Variants in SLC8A1 observed in about 807,000 individuals in gnomAD.
SLC8A1 encodes the protein solute carrier family 8 member A1.
Under a neutral mutation model 68.3 loss-of-function variants are expected in SLC8A1, and 18 were observed. The ratio of observed to expected loss-of-function variants is 0.26; its 90% CI spans 0.18 to 0.39. The LOEUF (loss-of-function observed/expected upper bound fraction) is 0.39, where lower values mean the gene tolerates loss of function less well. Among genes scored for constraint, SLC8A1 ranks in the 10% least tolerant of loss-of-function variants. The probability of loss-of-function intolerance (pLI) is 1.00; values close to 1 mark genes in which losing one functional copy is unlikely to be tolerated. For synonymous variants in SLC8A1, 475 were observed against 415.5 expected, an observed-to-expected ratio of 1.14 and a Z score of -1.74; for missense variants, 985 against 1,156.7, an observed-to-expected ratio of 0.85 and a Z score of 2.15.
intron 1 of SLC8A1, among the ~76,000 whole-genome samples, chr2:40,459,050 G>C (rs1217353192): frequency 6.6e-6 from 1 of 152,080 alleles, no homozygotes; most frequent in Non-Finnish European, 1.5e-5. Flanking sequence ...TTATAAGGAT[G>C]GACTCCGGAC....
intron 2 of SLC8A1, among the ~76,000 whole-genome samples, chr2:40,424,358 A>G (rs1439267413): frequency 1.3e-5 from 2 of 151,828 alleles, no homozygotes; most frequent in Non-Finnish European, 3.0e-5. Flanking sequence ...ATTCTATAGA[A>G]TTCTCTAGAA....
intron 2 of SLC8A1, among the ~76,000 whole-genome samples, chr2:40,361,641 A>AT (rs1380341373): frequency 6.6e-6 from 1 of 152,028 alleles, no homozygotes; most frequent in East Asian, 1.9e-4. Flanking sequence ...CACTGCCTAT[A>AT]AACTAAGAGC....
intron 2 of SLC8A1, among the ~76,000 whole-genome samples, chr2:40,375,691 A>G (rs896945725): frequency 6.6e-6 from 1 of 152,144 alleles, no homozygotes; most frequent in Non-Finnish European, 1.5e-5. Context: ...CAAGTTAATC[A>G]CTTGACAACT....
At chr2:40,424,167 G>A (rs1015781118) in intron 2 of SLC8A1, among the ~76,000 whole-genome samples, 1 of 151,780 alleles carries the variant, frequency 6.6e-6, no homozygotes, top group African/African-American at 2.4e-5. Context: ...TTCTTGTCTT[G>A]TGATATTTTT....
At chr2:40,185,393 G>T (rs2050516235) in intron 2 of SLC8A1, among the ~76,000 whole-genome samples, 1 of 152,168 alleles carries the variant, frequency 6.6e-6, no homozygotes, top group South Asian at 2.1e-4. Flanking sequence ...CCACACAGGG[G>T]AATATTATTT....
At chr2:40,115,227 TA>T in exon 8 of SLC8A1, 1 of 1,494,262 alleles carries the variant, frequency 6.7e-7, no homozygotes, top group Non-Finnish European at 9.0e-7. Flanking sequence ...TGTATATATA[TA>T]AATTTACTAT....
chr2:40,366,414 C>T (rs968437538), intron 2 of SLC8A1, among the ~76,000 whole-genome samples: 2 of 151,944 alleles, frequency 1.3e-5, no homozygotes, highest in Non-Finnish European at 2.9e-5. Flanking sequence ...GAATATAAAA[C>T]CCACAATAAT....
chr2:40,142,751 A>G (rs528116559), intron 6 of SLC8A1, among the ~76,000 whole-genome samples: 1 of 152,202 alleles, frequency 6.6e-6, no homozygotes, highest in Non-Finnish European at 1.5e-5. Context: ...GTGTCTGAGA[A>G]TATTTCAAGG....
intron 2 of SLC8A1, among the ~76,000 whole-genome samples, chr2:40,213,664 C>T (rs192104170): frequency 4.1e-4 from 62 of 152,210 alleles, no homozygotes; most frequent in Admixed American, 5.2e-4. Context: ...ACATTTTTTC[C>T]CCCGTCATCT....
chr2:40,298,312 G>A (rs531221198), intron 2 of SLC8A1, among the ~76,000 whole-genome samples: 17 of 152,216 alleles, frequency 1.1e-4, no homozygotes, highest in African/African-American at 4.1e-4. Flanking sequence ...CCAAAACTCC[G>A]GCTAGCAATC....
chr2:40,230,343 T>G (rs998261954), intron 2 of SLC8A1, among the ~76,000 whole-genome samples: 1 of 152,164 alleles, frequency 6.6e-6, no homozygotes, highest in African/African-American at 2.4e-5. Context: ...CTTTAACACT[T>G]CCTGGAATGC....
chr2:40,386,702 G>T (rs1575954234), intron 2 of SLC8A1, among the ~76,000 whole-genome samples: 1 of 150,642 alleles, frequency 6.6e-6, no homozygotes, highest in South Asian at 2.1e-4. Flanking sequence ...AAGTCAGTAA[G>T]TCCATATATT....
chr2:40,283,381 T>C (rs2067799923), intron 2 of SLC8A1, among the ~76,000 whole-genome samples: 2 of 152,278 alleles, frequency 1.3e-5, no homozygotes, highest in South Asian at 4.1e-4. Flanking sequence ...TGACAGACAA[T>C]GGCTTATAAA....
At chr2:40,414,937 A>G (rs1355180820) in intron 2 of SLC8A1, among the ~76,000 whole-genome samples, 1 of 152,228 alleles carries the variant, frequency 6.6e-6, no homozygotes, top group Non-Finnish European at 1.5e-5. Flanking sequence ...GCAGTTGGCA[A>G]TATTGGGAAA....
chr2:40,472,707 C>G (rs1037470717), intron 1 of SLC8A1, among the ~76,000 whole-genome samples: 1 of 152,118 alleles, frequency 6.6e-6, no homozygotes, highest in East Asian at 1.9e-4. Flanking sequence ...CATACCCATT[C>G]TAGGTGCTGC....
At chr2:40,291,358 C>G (rs1233720739) in intron 2 of SLC8A1, among the ~76,000 whole-genome samples, 1 of 152,052 alleles carries the variant, frequency 6.6e-6, no homozygotes, top group Non-Finnish European at 1.5e-5. Context: ...TCACTGTGTT[C>G]ATAAAATAAA....
At chr2:40,250,704 C>G (rs2062604930) in intron 2 of SLC8A1, among the ~76,000 whole-genome samples, 1 of 152,138 alleles carries the variant, frequency 6.6e-6, no homozygotes, top group Non-Finnish European at 1.5e-5. Context: ...ATGTGAGTCT[C>G]TCAATAACCC....
At chr2:40,464,208 T>G (rs1703524580) in intron 1 of SLC8A1, among the ~76,000 whole-genome samples, 1 of 152,156 alleles carries the variant, frequency 6.6e-6, no homozygotes, top group Non-Finnish European at 1.5e-5. Context: ...AGAGGATACA[T>G]ACAAATATAT....
chr2:40,141,614 G>A (rs571729277), intron 6 of SLC8A1, among the ~76,000 whole-genome samples: 28 of 152,240 alleles, frequency 1.8e-4, no homozygotes, highest in South Asian at 8.3e-4. Flanking sequence ...TGCTGTTCAT[G>A]CAGTATTTAT....
Sources: gnomAD v4.1 joint callset for allele counts (sites outside exome capture counted in the v4.1 genomes callset) on GRCh38, gnomAD v4.1.1 for gene constraint, MANE v1.5 for transcripts, NCBI Gene and HGNC (gene_info 2026-07-23, HGNC 2026-07-21) for gene names.